The following PTPRK variants were observed in gnomAD, a reference collection of about 807,000 sequenced individuals.
The protein encoded by PTPRK is protein tyrosine phosphatase receptor type K, also known as receptor-type tyrosine-protein phosphatase kappa.
PTPRK carries 75 observed loss-of-function variants against 178.0 expected under a neutral mutation model. The observed-to-expected ratio is 0.42, with a 90% CI of 0.35 to 0.51. The LOEUF (loss-of-function observed/expected upper bound fraction) is 0.51. Among genes scored for constraint, PTPRK ranks in the 20% least tolerant of loss-of-function variants. PTPRK has a pLI of 0.02. For missense variants in PTPRK, 1,441 were observed against 1,797.8 expected (o/e 0.80, Z 3.59); for synonymous variants, 637 against 620.6 (o/e 1.03, Z -0.39).
intron 1 of PTPRK, among the ~76,000 whole-genome samples, chr6:128,403,729 A>G (rs1275392407): frequency 6.6e-6 from 1 of 152,228 alleles, no homozygotes; most frequent in Non-Finnish European, 1.5e-5. Context: ...CAGAAAGACT[A>G]AAAATAGTTT....
At chr6:128,268,204 G>A (rs1261956796) in intron 3 of PTPRK, among the ~76,000 whole-genome samples, 1 of 151,942 alleles carries the variant, frequency 6.6e-6, no homozygotes, top group Non-Finnish European at 1.5e-5. Flanking sequence ...TGCCCTAGAG[G>A]TGTGTGATTA....
chr6:128,044,092 T>C (rs1777644135), intron 13 of PTPRK, among the ~76,000 whole-genome samples: 1 of 152,002 alleles, frequency 6.6e-6, no homozygotes. Context: ...AAATCCAACA[T>C]TTTCAATCCT....
chr6:128,275,958 G>C lies in PTPRK; in HGVS notation c.496-33356C>G, dbSNP rs148368833. Among the ~76,000 whole-genome samples the C allele has an allele frequency of 6.3e-3, 957 of 151,822 alleles. 12 individuals carry two copies. The highest frequency in any genetic ancestry group is 0.022 in the African/African-American group (907 of 41,442). The stretch of plus-strand genomic sequence containing the variant: ...ATAACCCAACCATGCCTTTTAAATG[G>C]GGGTAATATATAAACCTTGCCTACT... On this transcript the variant is annotated intron_variant, in intron 3 of 29. Transcript: ENST00000368226.
In PTPRK at chr6:128,458,917, A is replaced by C. The variant is rs138014999; in HGVS notation, c.101-61229T>G. On this transcript the variant is annotated intron_variant, in intron 1 of 29. Coordinates refer to ENST00000368226, the MANE Select transcript of PTPRK (RefSeq NM_002844.4). ...CAAACGACGGACATTTCTCATGGTCATTCAAATATTCCTTCTATTATTAAA... is the reference window on the plus strand; with the variant it reads ...CAAACGACGGACATTTCTCATGGTCCTTCAAATATTCCTTCTATTATTAAA... 4.4e-3 allele frequency among the ~76,000 whole-genome samples: 672 copies of C among 152,304 alleles called. 5 individuals carry two copies. Among genetic ancestry groups the C allele is most frequent in the African/African-American group, 0.015 (637 of 41,584 alleles).
intron 1 of PTPRK, among the ~76,000 whole-genome samples, chr6:128,494,303 C>T (rs1469356335): frequency 6.6e-6 from 1 of 151,500 alleles, no homozygotes; most frequent in Admixed American, 6.6e-5. Flanking sequence ...TTCACCATCA[C>T]CATTTTTTAA....
At chr6:128,392,225 C>T (rs181805320) in intron 2 of PTPRK, among the ~76,000 whole-genome samples, 1 of 152,192 alleles carries the variant, frequency 6.6e-6, no homozygotes, top group Admixed American at 6.5e-5. Flanking sequence ...GGAGTGGTTC[C>T]TTACTTCAAT....
intron 7 of PTPRK, among the ~76,000 whole-genome samples, chr6:128,105,196 C>T (rs899701867): frequency 2.0e-5 from 3 of 151,280 alleles, no homozygotes; most frequent in Admixed American, 6.6e-5. Context: ...TGCAGTGGCA[C>T]GATCTCGGCT....
chr6:128,053,195 C>T (rs1299119690), intron 13 of PTPRK, among the ~76,000 whole-genome samples: 2 of 148,566 alleles, frequency 1.3e-5, no homozygotes, highest in Non-Finnish European at 2.9e-5. Context: ...CCTATACACA[C>T]AGTTTCACCT....
chr6:128,505,127 C>T (rs1407608279), intron 1 of PTPRK, among the ~76,000 whole-genome samples: 3 of 140,768 alleles, frequency 2.1e-5, no homozygotes, highest in South Asian at 4.5e-4. Flanking sequence ...TTTTTTGAGA[C>T]GGAGTCTCAC....
chr6:128,470,450 G>A (rs1850471916), intron 1 of PTPRK, among the ~76,000 whole-genome samples: 2 of 151,816 alleles, frequency 1.3e-5, no homozygotes, highest in African/African-American at 2.4e-5. Context: ...TCCAACGTAA[G>A]TTCACAAAAT....
chr6:128,486,622 G>A (rs547683768), intron 1 of PTPRK, among the ~76,000 whole-genome samples: 2 of 152,134 alleles, frequency 1.3e-5, no homozygotes, highest in South Asian at 2.1e-4. Context: ...TGGGCAACAT[G>A]GTGAAACCCT....
chr6:128,231,398 GAATTA>G (rs567568832), intron 5 of PTPRK, among the ~76,000 whole-genome samples: 48 of 152,244 alleles, frequency 3.2e-4, no homozygotes, highest in Admixed American at 1.3e-3. Flanking sequence ...GAGAAAATTA[GAATTA>G]AATAGCAAGC....
intron 1 of PTPRK, among the ~76,000 whole-genome samples, chr6:128,441,511 A>G (rs912201562): frequency 3.3e-5 from 5 of 152,052 alleles, no homozygotes; most frequent in Admixed American, 2.0e-4. Flanking sequence ...TTTTCATGTC[A>G]AGGACCAGGG....
intron 7 of PTPRK, among the ~76,000 whole-genome samples, chr6:128,156,099 T>A (rs953956140): frequency 6.6e-6 from 1 of 151,928 alleles, no homozygotes; most frequent in Non-Finnish European, 1.5e-5. Context: ...TTTTTTCTCA[T>A]GATTTACCAT....
chr6:128,341,766 A>C (rs1357508723), intron 2 of PTPRK, among the ~76,000 whole-genome samples: 3 of 152,222 alleles, frequency 2.0e-5, no homozygotes. Context: ...ATCTCATTTA[A>C]GTTTCAACTA....
chr6:127,995,943 C>G (rs1304937359), intron 17 of PTPRK, among the ~76,000 whole-genome samples: 1 of 151,992 alleles, frequency 6.6e-6, no homozygotes, highest in African/African-American at 2.4e-5. Context: ...TTTGAATTCC[C>G]GCTCTCAGTT....
chr6:128,250,424 A>G (rs968575472), intron 3 of PTPRK, among the ~76,000 whole-genome samples: 4 of 152,318 alleles, frequency 2.6e-5, no homozygotes, highest in African/African-American at 9.6e-5. Flanking sequence ...TGTTCCTCAC[A>G]ACATCATTGA....
At chr6:128,407,867 G>A (rs1841876739) in intron 1 of PTPRK, among the ~76,000 whole-genome samples, 1 of 151,992 alleles carries the variant, frequency 6.6e-6, no homozygotes, top group African/African-American at 2.4e-5. Context: ...TCAAGTATGG[G>A]GGAAGAAAGC....
intron 3 of PTPRK, among the ~76,000 whole-genome samples, chr6:128,247,065 A>T (rs1815597317): frequency 6.6e-6 from 1 of 152,178 alleles, no homozygotes; most frequent in Non-Finnish European, 1.5e-5. Context: ...TATCACGTGT[A>T]ACCCAAGCAA....
Sources: gnomAD v4.1 joint callset for allele counts (sites outside exome capture counted in the v4.1 genomes callset) on GRCh38, gnomAD v4.1.1 for gene constraint, MANE v1.5 for transcripts, NCBI Gene and HGNC (gene_info 2026-07-23, HGNC 2026-07-21) for gene names.